The following HACE1 variants were observed in gnomAD, a reference collection of about 807,000 sequenced individuals.
HACE1 encodes E3 ubiquitin-protein ligase HACE1.
Under a neutral mutation model 118.4 loss-of-function variants are expected in HACE1, and 73 were observed. The observed-to-expected ratio is 0.62, with a 90% CI of 0.51 to 0.75. The LOEUF (loss-of-function observed/expected upper bound fraction) is 0.75, where lower values mean the gene tolerates loss of function less well. Among genes scored for constraint, HACE1 ranks in the 30% least tolerant of loss-of-function variants. The pLI, the probability that HACE1 is intolerant of heterozygous loss-of-function variation, is 0.00. For synonymous variants in HACE1, 368 were observed against 374.8 expected (o/e 0.98, Z 0.21); for missense variants, 749 against 1,102.2 (o/e 0.68, Z 4.54).
chr6:104,755,378 G>T (rs1490182867), intron 19 of HACE1, among the ~76,000 whole-genome samples: 1 of 152,134 alleles, frequency 6.6e-6, no homozygotes, highest in Non-Finnish European at 1.5e-5. Context: ...CATCAAGACA[G>T]AAATTTAACA....
In HACE1 at chr6:104,807,111, C is replaced by T. The variant is rs1248350231; in HGVS notation, c.617+4200G>A. Among the ~76,000 whole-genome samples, 3 of 151,550 alleles carry T rather than the reference C, an allele frequency of 2.0e-5. No individual in the cohort carries two copies. The East Asian group carries it at 5.8e-4, about 29-fold the overall frequency. The stretch of plus-strand genomic sequence containing the variant: ...CAATCTCGGCTCACTGCAACCTCCG[C>T]CTTTCAGATTCAAGTGATTCTCCTG... On this transcript the variant is annotated intron_variant, in intron 7 of 23. Transcript: ENST00000262903.
At chr6:104,737,715 TG>T (rs1486887042) in intron 22 of HACE1, among the ~76,000 whole-genome samples, 11 of 152,160 alleles carry the variant, frequency 7.2e-5, no homozygotes, top group African/African-American at 2.7e-4. Context: ...CACAGCAGTC[TG>T]AGACCAAACT....
At chr6:104,855,860 AAGTGAGCGTT>A (rs1294209177) in intron 1 of HACE1, among the ~76,000 whole-genome samples, 1 of 152,236 alleles carries the variant, frequency 6.6e-6, no homozygotes, top group Non-Finnish European at 1.5e-5. Context: ...GCATAATTTT[AAGTGAGCGTT>A]AGTGAGCATA....
At chr6:104,849,310 A>C in intron 3 of HACE1, 64 bp from the exon 4 acceptor site, 1 of 966,546 alleles carries the variant, frequency 1.0e-6, no homozygotes, top group East Asian at 2.4e-5. Context: ...ATGTAGTTCA[A>C]TTAAAAAACA....
chr6:104,735,014 A>T (rs78489856), intron 22 of HACE1, among the ~76,000 whole-genome samples: 1 of 151,990 alleles, frequency 6.6e-6, no homozygotes, highest in East Asian at 1.9e-4. Flanking sequence ...AACAGAAATT[A>T]TAAAAACTTA....
chr6:104,829,197 G>A (rs894608616), intron 6 of HACE1, among the ~76,000 whole-genome samples: 5 of 152,152 alleles, frequency 3.3e-5, no homozygotes, highest in Non-Finnish European at 5.9e-5. Context: ...ATTCTGACTT[G>A]CCACTGAGTC....
intron 18 of HACE1, 71 bp downstream of exon 18, chr6:104,771,854 A>G: frequency 1.9e-6 from 2 of 1,044,602 alleles, no homozygotes; most frequent in Non-Finnish European, 1.5e-6. Context: ...ACTACTGCTT[A>G]TCTAGTTTTC....
chr6:104,838,710 A>G (rs929906092), intron 5 of HACE1, among the ~76,000 whole-genome samples: 1 of 151,938 alleles, frequency 6.6e-6, no homozygotes, highest in African/African-American at 2.4e-5. Flanking sequence ...TAAAAGCAAA[A>G]GTAACCAAAG....
intron 9 of HACE1, 52 bp downstream of exon 9, chr6:104,796,603 T>G: frequency 1.1e-6 from 1 of 906,458 alleles, no homozygotes; most frequent in Non-Finnish European, 1.8e-6. Context: ...TCATATATGC[T>G]GAGCAGGAAT....
chr6:104,770,315 T>G (rs1582383696), intron 19 of HACE1, among the ~76,000 whole-genome samples: 1 of 152,138 alleles, frequency 6.6e-6, no homozygotes, highest in African/African-American at 2.4e-5. Flanking sequence ...TATAACATAT[T>G]AAAACACCAA....
chr6:104,742,179 TAAACGTTAGA>T (rs1229246939), intron 22 of HACE1, among the ~76,000 whole-genome samples: 1 of 132,628 alleles, frequency 7.5e-6, no homozygotes, highest in Non-Finnish European at 1.6e-5. Context: ...ATTAAAGACT[TAAACGTTAGA>T]CCTAAAACCA....
At chr6:104,783,886 G>C (rs1195226343) in intron 14 of HACE1, among the ~76,000 whole-genome samples, 200 bp downstream of exon 14, 1 of 152,164 alleles carries the variant, frequency 6.6e-6, no homozygotes, top group Non-Finnish European at 1.5e-5. Flanking sequence ...GTGTTCTGTT[G>C]TTTTTGTACA....
intron 14 of HACE1, 65 bp from the exon 15 acceptor site, chr6:104,777,382 T>C (rs1781327139): frequency 2.1e-6 from 2 of 968,658 alleles, no homozygotes; most frequent in South Asian, 1.3e-5. Context: ...TCAGATTTAC[T>C]AGCTTGCTAA....
intron 1 of HACE1, among the ~76,000 whole-genome samples, chr6:104,854,045 G>A (rs919846276): frequency 6.6e-6 from 1 of 152,094 alleles, no homozygotes; most frequent in African/African-American, 2.4e-5. Flanking sequence ...TGTGCCTCCC[G>A]CAACTGAAAC....
intron 19 of HACE1, among the ~76,000 whole-genome samples, chr6:104,759,265 C>T (rs1365939229): frequency 3.3e-5 from 5 of 152,128 alleles, no homozygotes; most frequent in Admixed American, 2.0e-4. Flanking sequence ...AGCACCACAT[C>T]GCACTTATTC....
intron 11 of HACE1, 101 bp from the exon 12 acceptor site, chr6:104,785,420 T>C (rs763749675): frequency 2.8e-6 from 2 of 718,724 alleles, no homozygotes; most frequent in African/African-American, 3.6e-5. Context: ...AAGAGAAAAT[T>C]TACTCTAGTC....
chr6:104,754,248 G>C (rs1411056368), intron 19 of HACE1, among the ~76,000 whole-genome samples: 2 of 152,122 alleles, frequency 1.3e-5, no homozygotes, highest in Non-Finnish European at 2.9e-5. Flanking sequence ...GAGATATGGG[G>C]TTATGTAAAG....
chr6:104,770,405 T>C (rs562966005), intron 19 of HACE1, among the ~76,000 whole-genome samples: 1 of 152,216 alleles, frequency 6.6e-6, no homozygotes, highest in African/African-American at 2.4e-5. Context: ...AAATAATACA[T>C]ATAGAGGAGA....
intron 22 of HACE1, 43 bp downstream of exon 22, chr6:104,744,117 A>T (rs376026423): frequency 1.2e-5 from 14 of 1,120,082 alleles, no homozygotes; most frequent in Non-Finnish European, 1.8e-5. Flanking sequence ...TAAAAGCAGA[A>T]TACATTAAAT....
Sources: gnomAD v4.1 joint callset for allele counts (sites outside exome capture counted in the v4.1 genomes callset) on GRCh38, gnomAD v4.1.1 for gene constraint, MANE v1.5 for transcripts, NCBI Gene and HGNC (gene_info 2026-07-23, HGNC 2026-07-21) for gene names.